RIC3: variants seen among roughly 807,000 people sequenced by gnomAD.
RIC3 encodes the protein RIC3 acetylcholine receptor chaperone.
A neutral mutation model predicts 27.3 loss-of-function variants in RIC3; 28 were observed. The observed-to-expected ratio is 1.02, with a 90% CI of 0.76 to 1.41. RIC3 has a LOEUF of 1.41. Ranked by LOEUF, RIC3 falls within the 40% of genes most tolerant of loss-of-function variation. RIC3 has a pLI of 0.00. For synonymous variants in RIC3, 184 were observed against 160.4 expected (o/e 1.15, Z -1.11); for missense variants, 501 against 444.7 (o/e 1.13, Z -1.14).
chr11:8,094,050 A>G, the RIC3 span: 2 of 1,614,112 alleles, frequency 1.2e-6, no homozygotes, highest in East Asian at 2.2e-5. Context: ...GAGCAGTTCA[A>G]GAGGCCGACT....
intron 5 of RIC3, among the ~76,000 whole-genome samples, chr11:8,114,135 C>A (rs991673899): frequency 2.6e-5 from 4 of 152,296 alleles, no homozygotes; most frequent in African/African-American, 4.8e-5. Context: ...TCTGGGCAGG[C>A]TGACTGGTGA....
downstream of RIC3, chr11:8,103,238 C>T (rs2133933559): frequency 6.6e-6 from 1 of 152,372 alleles, no homozygotes; most frequent in South Asian, 2.1e-4. Context: ...ACCATCCACC[C>T]TGCAGGCTTG....
At chr11:8,099,613 T>C in the RIC3 span, among the ~76,000 whole-genome samples, 1 of 152,218 alleles carries the variant, frequency 6.6e-6, no homozygotes, top group Non-Finnish European at 1.5e-5. Context: ...TATACCTTTA[T>C]GGGACTTAAA....
At chr11:8,099,508 T>C in the RIC3 span, among the ~76,000 whole-genome samples, 1 of 152,140 alleles carries the variant, frequency 6.6e-6, no homozygotes, top group African/African-American at 2.4e-5. Context: ...CTGACCAGTT[T>C]TGGGGAGGCA....
downstream of RIC3, chr11:8,104,831 T>C (rs1183715047): frequency 6.6e-6 from 1 of 152,036 alleles, no homozygotes; most frequent in East Asian, 1.9e-4. Flanking sequence ...ACACAGGTGT[T>C]GGAAGCCAGG....
rs578000196 is a variant in RIC3, at chr11:8,167,950, G to T, written c.124+916C>A. 5.9e-5 allele frequency among the ~76,000 whole-genome samples: 9 copies of T among 152,258 alleles called. No individual in the cohort carries two copies. The South Asian group carries it at 1.9e-3, about 32-fold the overall frequency. On this transcript the variant is annotated intron_variant, in intron 1 of 5. Transcript: ENST00000309737. Reference sequence around the variant, plus strand: ...TAGTGTGTATGATGCTCAAGAGAATGGAACTACAGTCAATGTGCATAAAGC... The same window carrying T: ...TAGTGTGTATGATGCTCAAGAGAATTGAACTACAGTCAATGTGCATAAAGC...
intron 1 of RIC3, among the ~76,000 whole-genome samples, chr11:8,145,260 T>C (rs1032717036): frequency 2.0e-5 from 3 of 150,200 alleles, no homozygotes; most frequent in Non-Finnish European, 4.5e-5. Flanking sequence ...AACTAGAAAC[T>C]GGAAAGCCAT....
At chr11:8,133,945 A>G (rs570166796) in intron 4 of RIC3, among the ~76,000 whole-genome samples, 1 of 151,534 alleles carries the variant, frequency 6.6e-6, no homozygotes, top group Admixed American at 6.6e-5. Context: ...CTCCCAAGTG[A>G]GGGGCCCTGC....
intron 1 of RIC3, among the ~76,000 whole-genome samples, chr11:8,165,772 TTTTTG>T (rs1554981203): frequency 5.2e-5 from 6 of 115,842 alleles, no homozygotes; most frequent in African/African-American, 1.6e-4. Flanking sequence ...TGGGGTTTTT[TTTTTG>T]TTTTGTTTTG....
At chr11:8,153,537 T>C in intron 1 of RIC3, 1 of 344,970 alleles carries the variant, frequency 2.9e-6, no homozygotes, top group Non-Finnish European at 5.6e-6. Context: ...ATTACTCTTC[T>C]CTTTTTCCAC....
At chr11:8,167,732 A>C (rs566951324) in intron 1 of RIC3, among the ~76,000 whole-genome samples, 4 of 152,308 alleles carry the variant, frequency 2.6e-5, no homozygotes, top group Admixed American at 2.6e-4. Context: ...ATCATTAGAC[A>C]AAGCAGGTAA....
chr11:8,130,463 G>C (rs1478994582), intron 4 of RIC3, among the ~76,000 whole-genome samples: 1 of 152,122 alleles, frequency 6.6e-6, no homozygotes, highest in Non-Finnish European at 1.5e-5. Context: ...GATATTATGA[G>C]CTACCCCACA....
intron 5 of RIC3, among the ~76,000 whole-genome samples, chr11:8,121,376 T>C (rs1421308394): frequency 6.6e-6 from 1 of 152,174 alleles, no homozygotes; most frequent in African/African-American, 2.4e-5. Context: ...TGCTTATCTG[T>C]AAGGATATCA....
At chr11:8,156,162 A>T (rs1430740328) in intron 1 of RIC3, among the ~76,000 whole-genome samples, 1 of 152,202 alleles carries the variant, frequency 6.6e-6, no homozygotes, top group African/African-American at 2.4e-5. Flanking sequence ...CTGTTTTGTT[A>T]CCAGAATAAT....
the RIC3 span, chr11:8,096,945 T>C: frequency 9.7e-7 from 1 of 1,032,642 alleles, no homozygotes; most frequent in African/African-American, 1.6e-5. Context: ...CCTTGCCTCC[T>C]AACCTCTTCA....
At chr11:8,101,505 G>A, downstream of RIC3, 1 of 1,614,242 alleles carries the variant, frequency 6.2e-7, no homozygotes, top group Non-Finnish European at 8.5e-7. Context: ...TCGTGATGCA[G>A]TTTGGCCGGG....
intron 5 of RIC3, among the ~76,000 whole-genome samples, chr11:8,119,445 A>G (rs1946216977): frequency 6.6e-6 from 1 of 152,236 alleles, no homozygotes; most frequent in African/African-American, 2.4e-5. Context: ...GAAACGGGGA[A>G]AGCATTCCCT....
chr11:8,109,101 G>T lies in RIC3; in HGVS notation c.*1597C>A, dbSNP rs1418257287. ...GCTTTCTATAAACTCAGTCTTGAAT[G>T]ACTTTCTGTAACTCAATTAACAATA... On this transcript the variant is annotated 3_prime_UTR_variant, in exon 6 of 6. Transcript: ENST00000309737. The T allele has an allele frequency of 2.0e-5, 3 of 152,182 alleles. No homozygotes were observed. Among genetic ancestry groups the T allele is most frequent in the Non-Finnish European group, 4.4e-5 (3 of 68,030 alleles). 9.4% of individuals were successfully genotyped at this position (152,182 alleles called of 1,614,324 possible).
At chr11:8,141,954 A>C (rs1489703589) in intron 1 of RIC3, among the ~76,000 whole-genome samples, 1 of 151,884 alleles carries the variant, frequency 6.6e-6, no homozygotes, top group Non-Finnish European at 1.5e-5. Flanking sequence ...CGAAGGCAGA[A>C]ATAAAGATGT....
Sources: allele counts gnomAD v4.1 joint callset (sites outside exome capture counted in the v4.1 genomes callset), GRCh38; gene constraint gnomAD v4.1.1; transcripts MANE v1.5; gene names NCBI Gene and HGNC (gene_info 2026-07-23, HGNC 2026-07-21).